ZDHHC3: variants seen among roughly 807,000 people sequenced by gnomAD.
ZDHHC3 encodes the protein zDHHC palmitoyltransferase 3.
A neutral mutation model predicts 30.6 loss-of-function variants in ZDHHC3; 9 were observed. The ratio of observed to expected loss-of-function variants is 0.29; its 90% confidence interval spans 0.18 to 0.51. The LOEUF (loss-of-function observed/expected upper bound fraction) is 0.51. Ranked by LOEUF, ZDHHC3 falls within the 20% of genes least tolerant of loss-of-function variation. ZDHHC3 has a pLI of 0.97. For synonymous variants in ZDHHC3, 136 were observed against 140.2 expected (o/e 0.97, Z 0.21); for missense variants, 246 against 384.2 (o/e 0.64, Z 3.01).
chr3:44,970,463 G>C (rs1473168596), intron 1 of ZDHHC3, among the ~76,000 whole-genome samples: 1 of 152,198 alleles, frequency 6.6e-6, no homozygotes, highest in Non-Finnish European at 1.5e-5. Flanking sequence ...TACCATTCTG[G>C]GCCTCAGTTT....
intron 2 of ZDHHC3, among the ~76,000 whole-genome samples, chr3:44,949,559 CAAAACA>C (rs767899934): frequency 3.9e-5 from 6 of 152,092 alleles, no homozygotes; most frequent in Admixed American, 6.5e-5. Flanking sequence ...TAAAAACAAG[CAAAACA>C]AAAACAAAAA....
Position 44,947,620 on chromosome 3 carries a change from T to C in ZDHHC3, c.307-2328A>G, listed in dbSNP as rs143113319. On this transcript the variant is annotated intron_variant, in intron 2 of 6. Transcript: ENST00000424952. ...TTTCTGGGTCTGGTGTTGGCACCAA[T>C]GCTGCAGCTTCAAAAAACTACAGAT... Among the ~76,000 whole-genome samples, 41 of 152,340 alleles carry C rather than the reference T, an allele frequency of 2.7e-4. No homozygotes were observed. The East Asian group carries it at 7.9e-3, about 29-fold the overall frequency.
chr3:44,946,685 T>C (rs1181461180), intron 2 of ZDHHC3, among the ~76,000 whole-genome samples: 1 of 151,932 alleles, frequency 6.6e-6, no homozygotes, highest in Non-Finnish European at 1.5e-5. Context: ...GGTAGACCTG[T>C]GGGAGAAAAG....
At chr3:44,930,743 G>A (rs1162218871) in intron 5 of ZDHHC3, among the ~76,000 whole-genome samples, 4 of 152,156 alleles carry the variant, frequency 2.6e-5, no homozygotes, top group Non-Finnish European at 5.9e-5. Context: ...GGAACTTATC[G>A]ATGCCTCAGA....
chr3:44,937,899 C>G, intron 3 of ZDHHC3: 1 of 487,862 alleles, frequency 2.0e-6, no homozygotes, highest in Non-Finnish European at 4.1e-6. Flanking sequence ...TGACATGGTA[C>G]CTTCTGCCTC....
rs1700518991 is a variant in ZDHHC3 at position 44,920,511 on chromosome 3, G to C, written c.*6178C>G. The C allele has an allele frequency of 1.0e-6, 1 of 985,460 alleles. No individual in the cohort carries two copies. Among genetic ancestry groups the C allele is most frequent in the Non-Finnish European group, 1.2e-6 (1 of 829,936 alleles). 61.0% of individuals were successfully genotyped at this position (985,460 alleles called of 1,614,324 possible). On this transcript the variant is annotated 3_prime_UTR_variant, in exon 7 of 7. Transcript: ENST00000424952. ...CCTCCTTGTGAGGAGGTGGGTATGA[G>C]TATTGATGATTGGCAGATGGGGAAG...
In ZDHHC3 at chr3:44,926,707, C is replaced by G. The variant is rs377350770; in HGVS notation, c.882G>C (p.Pro294=). The change falls in exon 7 of 7, where the codon CCG becomes CCC. Residue 294 remains proline, a synonymous_variant. Transcript: ENST00000424952. ...GGGTCCTTCAGACCACATACTGGTA[C>G]GGGTCTGCCTTCCCTTGGTCTGGCG... The part of the protein sequence containing the change: ...FATPDQGKAD[P]YQYVV The G allele has an allele frequency of 1.9e-6, 3 of 1,609,914 alleles. No individual in the cohort carries two copies. The Admixed American group carries it at 5.1e-5, about 27-fold the overall frequency.
chr3:44,933,860 G>A (rs1474347315), intron 4 of ZDHHC3, 28 bp downstream of exon 4: 2 of 1,598,052 alleles, frequency 1.3e-6, no homozygotes, highest in Non-Finnish European at 1.7e-6. Context: ...TTCATGGGGG[G>A]CAGGGCAGAA....
At chr3:44,951,581 G>A (rs1417475849) in intron 2 of ZDHHC3, among the ~76,000 whole-genome samples, 2 of 152,142 alleles carry the variant, frequency 1.3e-5, no homozygotes, top group South Asian at 2.1e-4. Flanking sequence ...CTTGGAAGAT[G>A]AGGCTCAAGT....
intron 3 of ZDHHC3, chr3:44,938,130 T>C (rs1371822005): frequency 2.2e-5 from 5 of 227,868 alleles, no homozygotes; most frequent in Non-Finnish European, 4.5e-5. Flanking sequence ...ACTACAGGCA[T>C]GTGTCACCAA....
At position 44,920,302 on chromosome 3, in the gene ZDHHC3, C is replaced by A. The variant is rs1220765742; in HGVS notation, c.*6387G>T. 2 of 1,289,774 alleles carry A rather than the reference C, an allele frequency of 1.6e-6. No homozygotes were observed. The highest frequency in any genetic ancestry group is 2.0e-6 in the Non-Finnish European group (2 of 988,904). The allele number at this position is 1,289,774 out of a possible 1,614,324, so 79.9% of individuals were successfully genotyped here. On this transcript the variant is annotated 3_prime_UTR_variant, in exon 7 of 7. Transcript: ENST00000424952. ...ACCAGCTGAGATGGTTTGCTTTGGG[C>A]ATTCTGCATTCTCTTCCTGGGTGAT...
chr3:44,920,765 T>C lies in ZDHHC3; in HGVS notation c.*5924A>G. The stretch of plus-strand genomic sequence containing the variant: ...GTGGCATGCTCCCAGATAGGCACTC[T>C]TGGATTATACTCAACCTCCTCACCA... On this transcript the variant is annotated 3_prime_UTR_variant, in exon 7 of 7. Transcript: ENST00000424952. The C allele has an allele frequency of 3.0e-6, 3 of 985,416 alleles. No homozygotes were observed. Among genetic ancestry groups the C allele is most frequent in the Non-Finnish European group, 3.6e-6 (3 of 829,932 alleles). The allele number at this position is 985,416 out of a possible 1,614,324, so 61.0% of individuals were successfully genotyped here.
chr3:44,965,691 CAT>C (rs1413681293), intron 1 of ZDHHC3, among the ~76,000 whole-genome samples: 1 of 152,214 alleles, frequency 6.6e-6, no homozygotes, highest in Non-Finnish European at 1.5e-5. Flanking sequence ...TCACATCAAA[CAT>C]AAAGTTCTCT....
In ZDHHC3 at chr3:44,958,566, T is replaced by C. The variant is rs970902368; in HGVS notation, c.306+565A>G. The C allele has an allele frequency of 9.1e-6, 14 of 1,534,768 alleles. No homozygotes were observed. The African/African-American group carries it at 1.4e-4, about 15-fold the overall frequency. ...GCTAAGTCATTGAGCAGAACACTAC[T>C]GCTTTACCCACAGATATTCACCAAG... On this transcript the variant is annotated intron_variant, in intron 2 of 6. Transcript: ENST00000424952.
chr3:44,954,379 C>G (rs545962568), intron 2 of ZDHHC3, among the ~76,000 whole-genome samples: 9 of 152,246 alleles, frequency 5.9e-5, no homozygotes, highest in Admixed American at 4.6e-4. Context: ...CAAATATTAT[C>G]GTGTTACAGT....
Position 44,918,846 on chromosome 3 carries a change from G to A in ZDHHC3, c.*7843C>T, listed in dbSNP as rs1700394027. 2.0e-6 allele frequency: 2 copies of A among 987,382 alleles called. No homozygotes were observed. The highest frequency in any genetic ancestry group is 5.2e-4 in the Middle Eastern group (1 of 1,914). 61.2% of individuals were successfully genotyped at this position (987,382 alleles called of 1,614,324 possible). ...CCACCAGGCCACAGAAAGGGTGTTG[G>A]GGTGGGGAGATGCCCAGAGGAGGTA... On this transcript the variant is annotated 3_prime_UTR_variant, in exon 7 of 7. Transcript: ENST00000424952.
chr3:44,949,321 A>G (rs1703230520), intron 2 of ZDHHC3, among the ~76,000 whole-genome samples: 1 of 152,084 alleles, frequency 6.6e-6, no homozygotes, highest in African/African-American at 2.4e-5. Flanking sequence ...ATACACATAC[A>G]TATAAATAAG....
chr3:44,969,002 C>A (rs561817425), intron 1 of ZDHHC3, among the ~76,000 whole-genome samples: 1 of 152,288 alleles, frequency 6.6e-6, no homozygotes, highest in South Asian at 2.1e-4. Flanking sequence ...TTAATTGCTA[C>A]GCTGCCATCT....
At position 44,918,188 on chromosome 3, in the gene ZDHHC3, G is replaced by A. The variant is rs1282974293; in HGVS notation, c.*8501C>T. On this transcript the variant is annotated 3_prime_UTR_variant, in exon 7 of 7. Transcript: ENST00000424952. ...AAGAACATCGTCAGCGTGGTGCTGG[G>A]CTGTACAGCTCACATAGACACCCCC... 33 of 1,279,776 alleles carry A rather than the reference G, an allele frequency of 2.6e-5. No individual in the cohort carries two copies. The highest frequency in any genetic ancestry group is 3.3e-5 in the Non-Finnish European group (32 of 975,096). The allele number at this position is 1,279,776 out of a possible 1,614,324, so 79.3% of individuals were successfully genotyped here. A position where few individuals can be genotyped will look rare whatever the true frequency, so the allele number is the denominator to read the frequency against.
Sources: allele counts gnomAD v4.1 joint callset (sites outside exome capture counted in the v4.1 genomes callset), GRCh38; gene constraint gnomAD v4.1.1; transcripts MANE v1.5; gene names NCBI Gene and HGNC (gene_info 2026-07-23, HGNC 2026-07-21).